SASH1: variants seen among roughly 807,000 people sequenced by gnomAD.
SASH1 encodes the protein SAM and SH3 domain containing 1.
A neutral mutation model predicts 125.2 loss-of-function variants in SASH1; 44 were observed. That is an observed-to-expected ratio of 0.35 (90% CI 0.28 to 0.45). SASH1 has a LOEUF of 0.45. Among genes scored for constraint, SASH1 ranks in the 20% least tolerant of loss-of-function variants. The probability of loss-of-function intolerance (pLI) is 1.00; values close to 1 mark genes in which losing one functional copy is unlikely to be tolerated. For synonymous variants in SASH1, 639 were observed against 649.1 expected (o/e 0.98, Z 0.24); for missense variants, 1,426 against 1,614.5 (o/e 0.88, Z 2.00).
chr6:148,446,294 G>C (rs1427931455), intron 4 of SASH1, among the ~76,000 whole-genome samples: 2 of 151,702 alleles, frequency 1.3e-5, no homozygotes, highest in Non-Finnish European at 2.9e-5. Flanking sequence ...ATTTTTAGTA[G>C]AGACGGGGTT....
intron 1 of SASH1, among the ~76,000 whole-genome samples, chr6:148,355,888 T>A (rs1436658778): frequency 6.6e-6 from 1 of 152,146 alleles, no homozygotes; most frequent in Non-Finnish European, 1.5e-5. Context: ...AAAATTTCAA[T>A]AGTTTTTGGG....
chr6:148,420,410 T>C (rs189269374), intron 2 of SASH1, among the ~76,000 whole-genome samples: 2 of 152,328 alleles, frequency 1.3e-5, no homozygotes, highest in Admixed American at 6.5e-5. Context: ...AACTCAGATA[T>C]AACCACATGC....
At chr6:148,442,840 C>T (rs982859140) in intron 4 of SASH1, among the ~76,000 whole-genome samples, 1 of 151,892 alleles carries the variant, frequency 6.6e-6, no homozygotes. Flanking sequence ...GTGGCGTCAT[C>T]TCGGCTCACT....
At chr6:148,456,440 G>T (rs1040264113) in intron 4 of SASH1, among the ~76,000 whole-genome samples, 7 of 152,222 alleles carry the variant, frequency 4.6e-5, no homozygotes, top group Non-Finnish European at 1.0e-4. Flanking sequence ...GCCAGCCTCA[G>T]CCACATTTCC....
the SASH1 span, among the ~76,000 whole-genome samples, chr6:148,258,344 T>C: frequency 6.6e-6 from 1 of 152,330 alleles, no homozygotes; most frequent in Admixed American, 6.5e-5. Flanking sequence ...TAATAATAGC[T>C]TAACATTCAT....
chr6:148,253,697 C>A, the SASH1 span, among the ~76,000 whole-genome samples: 2 of 151,842 alleles, frequency 1.3e-5, no homozygotes, highest in East Asian at 3.9e-4. Flanking sequence ...ATGGTGAAAC[C>A]CCATCTTTAC....
rs1426877288 is a variant in SASH1 at position 148,548,851 on chromosome 6, A to G, written c.*293A>G. The stretch of plus-strand genomic sequence containing the variant: ...GATGCCAACTGGCTGCGAATGCTCT[A>G]TCTCCAGTCTGTCTCTGTGTACTGG... On this transcript the variant is annotated 3_prime_UTR_variant, in exon 20 of 20. Transcript: ENST00000367467. 9.7e-6 allele frequency: 3 copies of G among 307,902 alleles called. No homozygotes were observed. Among genetic ancestry groups the G allele is most frequent in the East Asian group, 1.3e-4 (2 of 15,606 alleles). The allele number at this position is 307,902 out of a possible 1,614,324, so 19.1% of individuals were successfully genotyped here.
intron 1 of SASH1, among the ~76,000 whole-genome samples, chr6:148,380,958 C>A (rs1783107312): frequency 6.6e-6 from 1 of 152,208 alleles, no homozygotes; most frequent in Non-Finnish European, 1.5e-5. Flanking sequence ...CCTAGCACAA[C>A]ACTCGGAATA....
At chr6:148,473,087 T>C (rs1771445218) in intron 6 of SASH1, among the ~76,000 whole-genome samples, 1 of 152,190 alleles carries the variant, frequency 6.6e-6, no homozygotes. Context: ...CATTCTCTTC[T>C]CTGAGGTTCT....
chr6:148,323,261 C>T (rs955415785), intron 1 of SASH1, among the ~76,000 whole-genome samples: 12 of 152,264 alleles, frequency 7.9e-5, no homozygotes, highest in African/African-American at 2.6e-4. Flanking sequence ...CTGCCCGCCT[C>T]GGCCTCCCAA....
chr6:148,475,639 C>T (rs1157229652), intron 7 of SASH1, among the ~76,000 whole-genome samples: 1 of 152,186 alleles, frequency 6.6e-6, no homozygotes, highest in Non-Finnish European at 1.5e-5. Flanking sequence ...GAAACCGTAA[C>T]ATTCAACCTA....
chr6:148,421,146 GAAGAAAGAAAGA>G (rs751049278), intron 2 of SASH1, among the ~76,000 whole-genome samples: 1,235 of 70,952 alleles, frequency 0.017, 30 homozygotes, highest in South Asian at 0.037. Flanking sequence ...AGGAAGGAAG[GAAGAAAGAAAGA>G]AAGAAAGAAA....
chr6:148,244,963 A>T, the SASH1 span, among the ~76,000 whole-genome samples: 35,350 of 120,016 alleles, frequency 0.29, 3,782 homozygotes, highest in Non-Finnish European at 0.34. Flanking sequence ...TGTGTGTGAG[A>T]GAGAGAGAGA....
chr6:148,368,770 G>GCACGCACACACACACATACACACACA (rs1554245333), intron 1 of SASH1, among the ~76,000 whole-genome samples: 3 of 135,642 alleles, frequency 2.2e-5, no homozygotes, highest in Admixed American at 7.5e-5. Context: ...GCACGCGCGC[G>GCACGCACACACACACATACACACACA]CACACACACA....
At chr6:148,509,744 G>A (rs1780010661) in intron 8 of SASH1, among the ~76,000 whole-genome samples, 1 of 152,224 alleles carries the variant, frequency 6.6e-6, no homozygotes, top group Non-Finnish European at 1.5e-5. Context: ...CTTGGAGCAG[G>A]GAGAGGATGC....
chr6:148,228,625 T>G, the SASH1 span, among the ~76,000 whole-genome samples: 3 of 152,180 alleles, frequency 2.0e-5, no homozygotes, highest in Admixed American at 6.5e-5. Context: ...AGCCACAGGA[T>G]TAGGTCATGG....
At chr6:148,441,856 G>A (rs1055476160) in intron 4 of SASH1, among the ~76,000 whole-genome samples, 3 of 152,132 alleles carry the variant, frequency 2.0e-5, no homozygotes, top group African/African-American at 7.2e-5. Flanking sequence ...ATGTGGCATG[G>A]CTCTTGTGGC....
chr6:148,243,365 G>T, the SASH1 span, among the ~76,000 whole-genome samples: 180 of 151,970 alleles, frequency 1.2e-3, no homozygotes, highest in African/African-American at 3.7e-3. Context: ...CAGGAGAATC[G>T]CTTGAACCTG....
the SASH1 span, among the ~76,000 whole-genome samples, chr6:148,219,339 T>A: frequency 6.6e-6 from 1 of 152,192 alleles, no homozygotes; most frequent in Non-Finnish European, 1.5e-5. Flanking sequence ...TCCTATTTTC[T>A]CATCCACCCT....
Sources: gnomAD v4.1 joint callset for allele counts (sites outside exome capture counted in the v4.1 genomes callset) on GRCh38, gnomAD v4.1.1 for gene constraint, MANE v1.5 for transcripts, NCBI Gene and HGNC (gene_info 2026-07-23, HGNC 2026-07-21) for gene names.